GNA12: variants seen among roughly 807,000 people sequenced by gnomAD.
GNA12 encodes the protein G protein subunit alpha 12.
GNA12 carries 9 observed loss-of-function variants against 26.0 expected under a neutral mutation model. The observed-to-expected ratio is 0.35, with a 90% confidence interval of 0.21 to 0.60. The LOEUF (loss-of-function observed/expected upper bound fraction) is 0.60. Ranked by LOEUF, GNA12 falls within the 20% of genes least tolerant of loss-of-function variation. The pLI is 0.78. For synonymous variants in GNA12, 264 were observed against 219.6 expected (o/e 1.20, Z -1.79); for missense variants, 405 against 525.8 (o/e 0.77, Z 2.25).
intron 2 of GNA12, among the ~76,000 whole-genome samples, chr7:2,743,344 A>G (rs1287818461): frequency 6.6e-6 from 1 of 152,254 alleles, no homozygotes; most frequent in Non-Finnish European, 1.5e-5. Flanking sequence ...TCTTAAAACG[A>G]CATCCATAAT....
chr7:2,744,450 C>A (rs902088281), intron 2 of GNA12, among the ~76,000 whole-genome samples: 12 of 152,308 alleles, frequency 7.9e-5, no homozygotes, highest in Admixed American at 7.8e-4. Context: ...AGACCTGCAG[C>A]TGAGGGTCCT....
At chr7:2,838,926 C>G (rs1223810028) in intron 1 of GNA12, among the ~76,000 whole-genome samples, 1 of 152,166 alleles carries the variant, frequency 6.6e-6, no homozygotes, top group Admixed American at 6.5e-5. Context: ...AAGAAATAGA[C>G]AAATCCACAA....
Position 2,777,003 on chromosome 7 carries a change from T to C in GNA12, c.525+17925A>G, listed in dbSNP as rs188783001. 3.9e-5 allele frequency among the ~76,000 whole-genome samples: 6 copies of C among 152,146 alleles called. No individual in the cohort carries two copies. The East Asian group carries it at 1.2e-3, about 29-fold the overall frequency. ...ATTCCAAGGACCTGATGGGGGTGGG[T>C]TGTGCCTTTACCCCATCTGGGAGAA... On this transcript the variant is annotated intron_variant, in intron 2 of 3. Coordinates refer to ENST00000275364, the MANE Select transcript of GNA12 (RefSeq NM_007353.3).
intron 1 of GNA12, among the ~76,000 whole-genome samples, chr7:2,800,800 T>G (rs1379431842): frequency 6.6e-6 from 1 of 152,138 alleles, no homozygotes; most frequent in Admixed American, 6.5e-5. Flanking sequence ...AAAATGTGAC[T>G]TGAATAAACT....
At chr7:2,742,780 C>G (rs1420821251) in intron 2 of GNA12, among the ~76,000 whole-genome samples, 1 of 152,204 alleles carries the variant, frequency 6.6e-6, no homozygotes, top group Non-Finnish European at 1.5e-5. Context: ...GGTATGTAAT[C>G]TTTTATGGTG....
chr7:2,788,406 G>A (rs1455949225), intron 2 of GNA12, among the ~76,000 whole-genome samples: 2 of 152,156 alleles, frequency 1.3e-5, no homozygotes, highest in African/African-American at 4.8e-5. Context: ...GAAGAGGGGA[G>A]CTCTCCCTCC....
At chr7:2,814,783 G>C in intron 1 of GNA12, 2 of 1,194,202 alleles carry the variant, frequency 1.7e-6, no homozygotes, top group Non-Finnish European at 2.4e-6. Context: ...CCTAGAAAGG[G>C]TTCCCTGACC....
chr7:2,794,858 A>C, intron 2 of GNA12, 70 bp downstream of exon 2: 1 of 1,121,416 alleles, frequency 8.9e-7, no homozygotes, highest in Non-Finnish European at 1.4e-6. Flanking sequence ...AGGAAATTCA[A>C]CTAACGGTCC....
intron 2 of GNA12, among the ~76,000 whole-genome samples, chr7:2,763,654 C>G (rs1209760617): frequency 6.6e-6 from 1 of 152,236 alleles, no homozygotes; most frequent in Admixed American, 6.5e-5. Flanking sequence ...TTCCCAAGGA[C>G]AAGCATCTAA....
At chr7:2,837,914 T>A (rs1325496082) in intron 1 of GNA12, among the ~76,000 whole-genome samples, 1 of 152,082 alleles carries the variant, frequency 6.6e-6, no homozygotes, top group Non-Finnish European at 1.5e-5. Context: ...CTAATGAGTT[T>A]TTAAAATCAC....
At position 2,770,647 on chromosome 7, in the gene GNA12, C is replaced by CAA. The variant is rs567321328; in HGVS notation, c.525+24279_525+24280dup. Among the ~76,000 whole-genome samples the CAA allele has an allele frequency of 2.1e-3, 200 of 93,622 alleles. 2 individuals carry two copies. Among genetic ancestry groups the CAA allele is most frequent in the African/African-American group, 6.4e-3 (180 of 28,086 alleles). 61.4% of individuals were successfully genotyped at this position (93,622 alleles called of 152,430 possible). A position where few individuals can be genotyped will look rare whatever the true frequency, so the allele number is the denominator to read the frequency against. The stretch of plus-strand genomic sequence containing the variant: ...TGAGACTCCATCTCAACAACAATAA[C>CAA]AACAACAAAACAAAACAAAACAACA... On this transcript the variant is annotated intron_variant, in intron 2 of 3. Transcript: ENST00000275364.
chr7:2,813,682 C>G (rs531028807), intron 1 of GNA12, among the ~76,000 whole-genome samples: 57 of 152,300 alleles, frequency 3.7e-4, no homozygotes, highest in Middle Eastern at 3.4e-3. Flanking sequence ...CAGAGTGCAG[C>G]TGGAGGAGCA....
At chr7:2,799,670 G>GA (rs891165214) in intron 1 of GNA12, among the ~76,000 whole-genome samples, 14 of 149,982 alleles carry the variant, frequency 9.3e-5, no homozygotes, top group African/African-American at 3.2e-4. Context: ...GAAATGAAGA[G>GA]AAAAAAAAAA....
rs1489365147 is a variant in GNA12 at position 2,780,046 on chromosome 7, GTGTACATATATATATATATA to G, written c.525+14862_525+14881del. 2.4e-3 allele frequency among the ~76,000 whole-genome samples: 207 copies of G among 85,834 alleles called. 19 individuals are homozygous for G. Among genetic ancestry groups the G allele is most frequent in the African/African-American group, 9.2e-3 (204 of 22,212 alleles). 56.3% of individuals were successfully genotyped at this position (85,834 alleles called of 152,430 possible). A position where few individuals can be genotyped will look rare whatever the true frequency, so the allele number is the denominator to read the frequency against. ...ACGTACTAGTTTTTTACACATTTCTGTGTACATATATATATATATATATATATATATATATATATATATAT... is the reference window on the plus strand; with the variant it reads ...ACGTACTAGTTTTTTACACATTTCTGTATATATATATATATATATATATAT... On this transcript the variant is annotated intron_variant, in intron 2 of 3. Transcript: ENST00000275364.
At chr7:2,815,415 G>A (rs1028082903) in intron 1 of GNA12, among the ~76,000 whole-genome samples, 1 of 152,214 alleles carries the variant, frequency 6.6e-6, no homozygotes, top group Non-Finnish European at 1.5e-5. Context: ...AAGAAAACAT[G>A]AGGGAGGCTG....
rs1789753552 is a variant in GNA12, at chr7:2,729,079, G to A, written c.*2102C>T. On this transcript the variant is annotated 3_prime_UTR_variant, in exon 4 of 4. Transcript: ENST00000275364. ...CTCATTGACAAGGCCGGACTACTCAGGAAGGTGTTTCAAACAACTCCCCTG... is the reference window on the plus strand; with the variant it reads ...CTCATTGACAAGGCCGGACTACTCAAGAAGGTGTTTCAAACAACTCCCCTG... 1 of 152,406 alleles carries A rather than the reference G, an allele frequency of 6.6e-6. No individual in the cohort carries two copies. The highest frequency in any genetic ancestry group is 1.5e-5 in the Non-Finnish European group (1 of 68,050). 9.4% of individuals were successfully genotyped at this position (152,406 alleles called of 1,614,324 possible).
chr7:2,757,144 T>C (rs891609937), intron 2 of GNA12, among the ~76,000 whole-genome samples: 3 of 145,594 alleles, frequency 2.1e-5, no homozygotes, highest in Non-Finnish European at 3.0e-5. Context: ...TTTTTTTTTT[T>C]TTTTTTTTTG....
chr7:2,734,282 C>G (rs1262798031), intron 2 of GNA12, among the ~76,000 whole-genome samples: 1 of 152,194 alleles, frequency 6.6e-6, no homozygotes, highest in Non-Finnish European at 1.5e-5. Context: ...TATGAACAGG[C>G]ACGCAATGAG....
At chr7:2,812,636 AACATCACATCACATCACATCACATC>A (rs3831678) in intron 1 of GNA12, among the ~76,000 whole-genome samples, 160 of 134,190 alleles carry the variant, frequency 1.2e-3, no homozygotes, top group Admixed American at 4.6e-3. Flanking sequence ...TCTCAAAAAT[AACATCACATCACATCACATCACATC>A]ACATCACATC....
Sources: allele counts gnomAD v4.1 joint callset (sites outside exome capture counted in the v4.1 genomes callset), GRCh38; gene constraint gnomAD v4.1.1; transcripts MANE v1.5; gene names NCBI Gene and HGNC (gene_info 2026-07-23, HGNC 2026-07-21).